Variants in ANKRD28 observed in about 807,000 individuals in gnomAD.
ANKRD28 encodes the protein serine/threonine-protein phosphatase 6 regulatory ankyrin repeat subunit A.
Under a neutral mutation model 126.5 loss-of-function variants are expected in ANKRD28, and 44 were observed. The observed-to-expected ratio is 0.35, with a 90% CI of 0.27 to 0.45. ANKRD28 has a LOEUF of 0.45. ANKRD28 is among the 20% of genes least tolerant of loss of function. ANKRD28 has a pLI of 1.00. For missense variants in ANKRD28, 1,110 were observed against 1,316.6 expected, an observed-to-expected ratio of 0.84 and a Z score of 2.43; for synonymous variants, 442 against 468.5, an observed-to-expected ratio of 0.94 and a Z score of 0.73.
rs1336157373 is a variant in ANKRD28, at chr3:15,677,076, G to A, written c.2791-20C>T. On this transcript the variant is annotated intron_variant, in intron 25 of 27. Coordinates refer to ENST00000683139, the MANE Select transcript of ANKRD28 (RefSeq NM_001349278.2). ...ATGACCCTATAATTGTGGCAGATAA[G>A]TTATAAAAACTTGAGCACCATTAAA... The A allele has an allele frequency of 1.2e-5, 20 of 1,601,040 alleles. No individual in the cohort carries two copies. The East Asian group carries it at 4.5e-4, about 36-fold the overall frequency.
intron 3 of ANKRD28, chr3:15,756,479 C>T (rs934083577): frequency 4.7e-5 from 46 of 984,950 alleles, no homozygotes; most frequent in Non-Finnish European, 5.4e-5. Flanking sequence ...GATTTACTTA[C>T]TTACATTAGT....
rs2061246171 is a variant in ANKRD28, at chr3:15,833,353, A to T, written c.27+26024T>A. Among the ~76,000 whole-genome samples the T allele has an allele frequency of 6.6e-6, 1 of 152,058 alleles. No individual in the cohort carries two copies. Among genetic ancestry groups the T allele is most frequent in the Non-Finnish European group, 1.5e-5 (1 of 68,016 alleles). The stretch of plus-strand genomic sequence containing the variant: ...CTGTGCTGGATACTTCCTGCCCTCA[A>T]GCATTGGACTCCAAGTTATTCAGTT... On this transcript the variant is annotated intron_variant, in intron 1 of 27. Transcript: ENST00000399451. This position sits in a 1 kb window ranked among gnomAD's most constrained non-coding sequence, Gnocchi z 4.4.
chr3:15,730,389 A>G (rs2074495216), intron 6 of ANKRD28, among the ~76,000 whole-genome samples: 1 of 152,206 alleles, frequency 6.6e-6, no homozygotes, highest in Non-Finnish European at 1.5e-5. Context: ...CAAATAATTC[A>G]ATAGCATAAG....
At chr3:15,834,707 A>T (rs911476603) in intron 1 of ANKRD28, among the ~76,000 whole-genome samples, 1 of 152,182 alleles carries the variant, frequency 6.6e-6, no homozygotes, top group Non-Finnish European at 1.5e-5. Flanking sequence ...AGGAATATAA[A>T]AATTTTCTGC....
At chr3:15,738,468 G>A (rs1379095916) in intron 4 of ANKRD28, 1 of 152,254 alleles carries the variant, frequency 6.6e-6, no homozygotes, top group Admixed American at 6.5e-5. Context: ...TGCTAATGAA[G>A]TTTTGGGCAC....
At chr3:15,680,265 C>T (rs773067018) in intron 21 of ANKRD28, among the ~76,000 whole-genome samples, 3 of 152,052 alleles carry the variant, frequency 2.0e-5, no homozygotes, top group African/African-American at 7.2e-5. Context: ...AGTGCAGTGG[C>T]GCGATCTTGG....
intron 4 of ANKRD28, among the ~76,000 whole-genome samples, chr3:15,741,517 GGT>G (rs1178279269): frequency 6.6e-6 from 1 of 151,906 alleles, no homozygotes; most frequent in Non-Finnish European, 1.5e-5. Context: ...AAATGCTGCT[GGT>G]GTGTCTTGAT....
chr3:15,780,360 C>G (rs2059486264), intron 2 of ANKRD28, among the ~76,000 whole-genome samples: 1 of 151,682 alleles, frequency 6.6e-6, no homozygotes, highest in South Asian at 2.1e-4. Flanking sequence ...AAAATTTAAC[C>G]AAACAGGTAA....
intron 27 of ANKRD28, among the ~76,000 whole-genome samples, 182 bp from the exon 28 acceptor site, chr3:15,670,738 C>T (rs1456129675): frequency 1.3e-5 from 2 of 152,112 alleles, no homozygotes; most frequent in Non-Finnish European, 2.9e-5. Flanking sequence ...GCCATAGAAA[C>T]CTAGGGTGGA....
intron 2 of ANKRD28, among the ~76,000 whole-genome samples, chr3:15,790,064 C>T (rs150123446): frequency 6.6e-6 from 1 of 152,110 alleles, no homozygotes; most frequent in Non-Finnish European, 1.5e-5. Flanking sequence ...GGACACATTC[C>T]TAGACATATA....
chr3:15,701,409 C>A (rs985272723), intron 14 of ANKRD28, among the ~76,000 whole-genome samples: 2 of 152,064 alleles, frequency 1.3e-5, no homozygotes, highest in Non-Finnish European at 2.9e-5. Flanking sequence ...CTTTGGGAAG[C>A]GGAGGTGGGC....
At chr3:15,746,912 T>C (rs1464204802) in intron 4 of ANKRD28, among the ~76,000 whole-genome samples, 1 of 152,200 alleles carries the variant, frequency 6.6e-6, no homozygotes, top group Non-Finnish European at 1.5e-5. Context: ...TATACCTTCC[T>C]AGTTTAATCT....
chr3:15,793,707 A>G (rs1471048640), intron 2 of ANKRD28, among the ~76,000 whole-genome samples: 1 of 152,146 alleles, frequency 6.6e-6, no homozygotes, highest in Non-Finnish European at 1.5e-5. Context: ...CCCTTGAGCT[A>G]TTTTCTAAGA....
chr3:15,711,923 T>C (rs1036316790), intron 11 of ANKRD28, among the ~76,000 whole-genome samples: 1 of 152,020 alleles, frequency 6.6e-6, no homozygotes, highest in Non-Finnish European at 1.5e-5. Context: ...CTTGAACTCC[T>C]GACCTCAAGT....
At chr3:15,793,445 G>C (rs575020996) in intron 2 of ANKRD28, among the ~76,000 whole-genome samples, 2 of 152,236 alleles carry the variant, frequency 1.3e-5, no homozygotes, top group South Asian at 2.1e-4. Flanking sequence ...CTACTGATGA[G>C]TGAGCTGATG....
chr3:15,668,016 C>T lies in ANKRD28; in HGVS notation c.*2254G>A, dbSNP rs2066072098. 2 of 152,234 alleles carry T rather than the reference C, an allele frequency of 1.3e-5. No individual in the cohort carries two copies. Among genetic ancestry groups the T allele is most frequent in the Admixed American group, 6.5e-5 (1 of 15,276 alleles). The allele number at this position is 152,234 out of a possible 1,614,324, so 9.4% of individuals were successfully genotyped here. ...GGCAGAATGTGCGAGATTCATCCTT[C>T]CAACATTCTCAGGGTTCTCTTGGAG... is the stretch of plus-strand genomic sequence containing the variant. On this transcript the variant is annotated 3_prime_UTR_variant, in exon 28 of 28. Transcript: ENST00000683139.
chr3:15,765,922 C>T (rs1386511996), intron 3 of ANKRD28, among the ~76,000 whole-genome samples: 1 of 151,222 alleles, frequency 6.6e-6, no homozygotes, highest in African/African-American at 2.4e-5. Flanking sequence ...TCCTGATCTA[C>T]CTTTCAATTT....
intron 14 of ANKRD28, among the ~76,000 whole-genome samples, chr3:15,700,306 G>A (rs2070373446): frequency 6.6e-6 from 1 of 152,086 alleles, no homozygotes; most frequent in African/African-American, 2.4e-5. Context: ...CGGGGTGGGG[G>A]CCTGGGGGAG....
intron 1 of ANKRD28, among the ~76,000 whole-genome samples, chr3:15,857,633 T>C (rs2061802723): frequency 6.6e-6 from 1 of 152,202 alleles, no homozygotes; most frequent in South Asian, 2.1e-4. Context: ...TTAATGGATA[T>C]ACATAAGACT....
Sources: gnomAD v4.1 joint callset for allele counts (sites outside exome capture counted in the v4.1 genomes callset) on GRCh38, gnomAD v4.1.1 for gene constraint, Gnocchi (gnomAD v3.1) non-coding constraint, MANE v1.5 for transcripts, NCBI Gene and HGNC (gene_info 2026-07-23, HGNC 2026-07-21) for gene names.